Variants in CPNE1 observed in about 807,000 individuals in gnomAD.
CPNE1 encodes the protein copine-1.
In CPNE1, 58 loss-of-function variants were observed where a neutral mutation model predicts 63.2. That is an observed-to-expected ratio of 0.92 (90% CI 0.74 to 1.14). CPNE1 has a LOEUF of 1.14. Ranked by LOEUF, CPNE1 falls within the 50% of genes most tolerant of loss-of-function variation. CPNE1 has a pLI of 0.00. For missense variants in CPNE1, 672 were observed against 661.7 expected, an observed-to-expected ratio of 1.02 and a Z score of -0.17; for synonymous variants, 237 against 249.0, an observed-to-expected ratio of 0.95 and a Z score of 0.45.
At chr20:35,652,394 T>G in intron 1 of CPNE1, 1 of 1,062,320 alleles carries the variant, frequency 9.4e-7, no homozygotes, top group Non-Finnish European at 1.4e-6. Flanking sequence ...CAATGCTCTA[T>G]GTTATGGAAA....
At chr20:35,637,441 C>T (rs1387541864) in intron 1 of CPNE1, among the ~76,000 whole-genome samples, 3 of 152,110 alleles carry the variant, frequency 2.0e-5, no homozygotes, top group Non-Finnish European at 4.4e-5. Context: ...ATCAGCTCTA[C>T]CTCCTGCCGC....
intron 1 of CPNE1, among the ~76,000 whole-genome samples, chr20:35,658,339 G>A (rs553981353): frequency 6.6e-6 from 1 of 152,218 alleles, no homozygotes; most frequent in Non-Finnish European, 1.5e-5. Context: ...ATGCTACTAA[G>A]GAATAAAACT....
intron 1 of CPNE1, among the ~76,000 whole-genome samples, chr20:35,634,845 C>G (rs1398153443): frequency 2.6e-5 from 4 of 151,754 alleles, no homozygotes; most frequent in Admixed American, 2.6e-4. Context: ...TTCAAGCGAT[C>G]CCTCCCACCT....
rs1490690164 is a variant in CPNE1 at position 35,631,982 on chromosome 20, T to C, written c.500A>G (p.Gln167Arg). 50 of 1,613,598 alleles carry C rather than the reference T, an allele frequency of 3.1e-5. No homozygotes were observed. Among genetic ancestry groups the C allele is most frequent in the Non-Finnish European group, 4.0e-5 (47 of 1,179,724 alleles). Residue 167 changes from glutamine (Q) to arginine (R), a missense_variant, in exon 6 of 16, where the codon CAG (glutamine) becomes CGG (arginine). Coordinates refer to ENST00000397443, the MANE Select transcript of CPNE1 (RefSeq NM_152925.3). ...CACCAGGTGCCATTTCCCATCACCC[T>C]GGCGGAAGAACTCCAGAAATGGATC... The part of the protein sequence containing the change: ...KSDPFLEFFR[Q>R]GDGKWHLVYR...
chr20:35,663,893 A>C (rs1307937519), intron 1 of CPNE1, among the ~76,000 whole-genome samples: 1 of 151,710 alleles, frequency 6.6e-6, no homozygotes, highest in Non-Finnish European at 1.5e-5. Flanking sequence ...AACTCAATTA[A>C]CTCTCCATCA....
intron 1 of CPNE1, chr20:35,651,470 T>C (rs887626672): frequency 1.3e-5 from 2 of 152,184 alleles, no homozygotes; most frequent in Admixed American, 6.5e-5. Context: ...CGAACCAGCA[T>C]ACGGATCTTT....
At chr20:35,638,873 A>G (rs188663466) in intron 1 of CPNE1, among the ~76,000 whole-genome samples, 1 of 152,362 alleles carries the variant, frequency 6.6e-6, no homozygotes, top group East Asian at 1.9e-4. Context: ...GAAGTTTCAG[A>G]ACAGGCAAAA....
chr20:35,652,755 T>C (rs1381108619), intron 1 of CPNE1: 2 of 1,613,078 alleles, frequency 1.2e-6, no homozygotes, highest in African/African-American at 2.7e-5. Context: ...CTTTAATTAC[T>C]GTCGGTCCTG....
chr20:35,652,770 TC>T, intron 1 of CPNE1: 1 of 1,612,358 alleles, frequency 6.2e-7, no homozygotes, highest in Non-Finnish European at 8.5e-7. Context: ...GTCCTGGTTT[TC>T]CAGAACTAGA....
At chr20:35,639,294 A>G (rs1376586042) in intron 1 of CPNE1, among the ~76,000 whole-genome samples, 2 of 152,178 alleles carry the variant, frequency 1.3e-5, no homozygotes, top group African/African-American at 4.8e-5. Context: ...AATTTTTTTC[A>G]ACTTTGCTAC....
Position 35,654,651 on chromosome 20 carries a change from G to T in CPNE1, c.-1+10109C>A. ...GCACAGAAGGAACTGGGGGAATCGG[G>T]GGCACAGGAGGCACAGGAGGCAATG... On this transcript the variant is annotated intron_variant, in intron 1 of 15. Transcript: ENST00000397443. 1.9e-6 allele frequency: 3 copies of T among 1,613,820 alleles called. No homozygotes were observed. In the South Asian group the frequency reaches 3.3e-5, roughly 18 times the overall value.
At chr20:35,663,714 G>A (rs977556953) in intron 1 of CPNE1, among the ~76,000 whole-genome samples, 1 of 152,104 alleles carries the variant, frequency 6.6e-6, no homozygotes, top group Non-Finnish European at 1.5e-5. Flanking sequence ...CCTCAGATTT[G>A]TCACTATAAA....
At chr20:35,653,071 CT>C in intron 1 of CPNE1, 1 of 1,613,928 alleles carries the variant, frequency 6.2e-7, no homozygotes, top group Non-Finnish European at 8.5e-7. Context: ...CATACCAGGC[CT>C]AGCATCACCA....
In CPNE1 at chr20:35,632,534, C is replaced by G; in HGVS notation, c.292G>C (p.Glu98Gln). 3 of 1,613,610 alleles carry G rather than the reference C, an allele frequency of 1.9e-6. No homozygotes were observed. Among genetic ancestry groups the G allele is most frequent in the Non-Finnish European group, 2.5e-6 (3 of 1,179,686 alleles). Residue 98 changes from glutamate to glutamine, a missense_variant, in exon 3 of 16, where the codon GAG becomes CAG. Transcript: ENST00000397443. ...CTACATACCTGTCCTAGGGAACACT[C>G]AGCACCCCCTAGGAAGTCATCATCC... Reference protein sequence around the residue: ...LRDDDFLGGAECSLGQIVSSQ... With the variant: ...LRDDDFLGGAQCSLGQIVSSQ...
chr20:35,633,101 G>A (rs926994), intron 1 of CPNE1, among the ~76,000 whole-genome samples, 178 bp from the exon 2 acceptor site: 10,241 of 152,090 alleles, frequency 0.067, 422 homozygotes, highest in South Asian at 0.18. Context: ...ACCCCTAGGT[G>A]AGCTCACTGG....
At position 35,656,985 on chromosome 20, in the gene CPNE1, T is replaced by C. The variant is rs566345100; in HGVS notation, c.-1+7775A>G. On this transcript the variant is annotated intron_variant, in intron 1 of 15. Coordinates refer to ENST00000397443, the MANE Select transcript of CPNE1 (RefSeq NM_152925.3). ...TTGTCAAATATTATATAAATACTAA[T>C]GCAACAAAATCTGTAATTATATCTC... Among the ~76,000 whole-genome samples the C allele has an allele frequency of 4.9e-4, 75 of 152,336 alleles. 4 individuals carry two copies. In the South Asian group the frequency reaches 0.015, roughly 31 times the overall value.
chr20:35,641,544 C>T (rs1319831371), intron 1 of CPNE1, among the ~76,000 whole-genome samples: 1 of 152,170 alleles, frequency 6.6e-6, no homozygotes. Context: ...CAGGTGTAAA[C>T]TGGGGGATAG....
In CPNE1 at chr20:35,632,324, C is replaced by A; in HGVS notation, c.371G>T (p.Arg124Leu). 3 of 1,614,050 alleles carry A rather than the reference C, an allele frequency of 1.9e-6. No homozygotes were observed. The highest frequency in any genetic ancestry group is 2.5e-6 in the Non-Finnish European group (3 of 1,179,978). Residue 124 changes from arginine (R) to leucine (L), a missense_variant, in exon 4 of 16, where the codon CGG (arginine) becomes CTG (leucine). Arg to Leu is a moderately radical substitution (Grantham distance 102). Transcript: ENST00000397443. ...TGGGTTCCTTACCGTGATGGTCCCC[C>A]GCCCAGCAGGTTTTCCAGGCTTCAG... ...LMLKPGKPAG[R>L]GTITVSAQEL... is the part of the protein sequence containing the mutation.
intron 12 of CPNE1, 120 bp downstream of exon 12, chr20:35,630,621 G>GA: frequency 1.4e-6 from 2 of 1,460,508 alleles, no homozygotes; most frequent in Non-Finnish European, 1.9e-6. Context: ...GTGCCTGCAG[G>GA]AATCCAACCC....
Sources: allele counts gnomAD v4.1 joint callset (sites outside exome capture counted in the v4.1 genomes callset), GRCh38; gene constraint gnomAD v4.1.1; transcripts MANE v1.5; gene names NCBI Gene and HGNC (gene_info 2026-07-23, HGNC 2026-07-21).